RNF185: variants seen among roughly 807,000 people sequenced by gnomAD.
RNF185 encodes the protein E3 ubiquitin-protein ligase RNF185.
Under a neutral mutation model 24.9 loss-of-function variants are expected in RNF185, and 13 were observed. The observed-to-expected ratio is 0.52, with a 90% CI of 0.34 to 0.83. RNF185 has a LOEUF of 0.83. Ranked by LOEUF, RNF185 falls within the 40% of genes least tolerant of loss-of-function variation. RNF185 has a pLI of 0.01. For synonymous variants in RNF185, 79 were observed against 90.3 expected (o/e 0.88, Z 0.71); for missense variants, 184 against 244.7 (o/e 0.75, Z 1.65).
chr22:31,165,097 T>C (rs1923835969), intron 1 of RNF185, among the ~76,000 whole-genome samples: 1 of 151,348 alleles, frequency 6.6e-6, no homozygotes, highest in Non-Finnish European at 1.5e-5. Flanking sequence ...TTTTTTTTTT[T>C]AGTAGAGACA....
chr22:31,197,147 C>G, intron 5 of RNF185, 157 bp downstream of exon 5: 1 of 1,062,682 alleles, frequency 9.4e-7, no homozygotes, highest in Non-Finnish European at 1.3e-6. Flanking sequence ...TATAACCACA[C>G]CAATCCAGAG....
At chr22:31,187,332 G>T in intron 2 of RNF185, 62 bp downstream of exon 2, 1 of 1,588,772 alleles carries the variant, frequency 6.3e-7, no homozygotes, top group Non-Finnish European at 8.6e-7. Context: ...CTGTGGCCCT[G>T]GGTGGTTTGG....
At chr22:31,166,451 T>C (rs1923924950) in intron 1 of RNF185, among the ~76,000 whole-genome samples, 1 of 152,212 alleles carries the variant, frequency 6.6e-6, no homozygotes, top group Non-Finnish European at 1.5e-5. Flanking sequence ...AATCACTCAC[T>C]GTACACAGGT....
At chr22:31,177,835 AGAT>A (rs1207964082) in intron 1 of RNF185, among the ~76,000 whole-genome samples, 1 of 152,248 alleles carries the variant, frequency 6.6e-6, no homozygotes, top group Non-Finnish European at 1.5e-5. Flanking sequence ...CAGAAAAGGC[AGAT>A]GATGAATTCC....
chr22:31,183,460 A>G (rs2048059671), intron 1 of RNF185, among the ~76,000 whole-genome samples: 1 of 151,822 alleles, frequency 6.6e-6, no homozygotes, highest in Non-Finnish European at 1.5e-5. Flanking sequence ...TCATAGGACA[A>G]TAGTGGAGGG....
chr22:31,168,040 T>C (rs575111140), intron 1 of RNF185, among the ~76,000 whole-genome samples: 2 of 152,346 alleles, frequency 1.3e-5, no homozygotes, highest in Admixed American at 6.5e-5. Flanking sequence ...CCTCCAGAAC[T>C]GTTTTCATCT....
chr22:31,174,421 C>T (rs1457496708), intron 1 of RNF185, among the ~76,000 whole-genome samples: 3 of 151,996 alleles, frequency 2.0e-5, no homozygotes, highest in Non-Finnish European at 4.4e-5. Flanking sequence ...CTTCTGTCTC[C>T]TAGGTTGGAG....
intron 2 of RNF185, among the ~76,000 whole-genome samples, chr22:31,189,354 A>G (rs2048133433): frequency 9.0e-6 from 1 of 111,380 alleles, no homozygotes; most frequent in Non-Finnish European, 1.6e-5. Flanking sequence ...ACAGTGGTGC[A>G]GTCTTGGCTC....
At chr22:31,185,457 G>C (rs1188872922) in intron 1 of RNF185, among the ~76,000 whole-genome samples, 1 of 152,176 alleles carries the variant, frequency 6.6e-6, no homozygotes, top group Non-Finnish European at 1.5e-5. Flanking sequence ...TTGTGAAGGG[G>C]CCGCTTGTTT....
rs1194566010 is a variant in RNF185, at chr22:31,170,186, T to TG, written c.-49+9883_-49+9884insG. Among the ~76,000 whole-genome samples the TG allele has an allele frequency of 2.7e-3, 408 of 152,030 alleles. 1 individual carries two copies. Among genetic ancestry groups the TG allele is most frequent in the Non-Finnish European group, 4.5e-3 (307 of 67,954 alleles). On this transcript the variant is annotated intron_variant, in intron 1 of 6. Transcript: ENST00000326132. ...GTAACAGTGATGTGGTTTTTTGTTT[T>TG]TTTTTTTTGTTTGTTTGTTTGAGAC...
chr22:31,200,099 C>G (rs1012761672), intron 5 of RNF185, among the ~76,000 whole-genome samples: 4 of 152,146 alleles, frequency 2.6e-5, no homozygotes, highest in Non-Finnish European at 5.9e-5. Flanking sequence ...GCTCTGGCCT[C>G]TAATCCCAGC....
intron 3 of RNF185, among the ~76,000 whole-genome samples, chr22:31,193,302 G>T (rs1259776693): frequency 6.6e-6 from 1 of 152,200 alleles, no homozygotes; most frequent in Non-Finnish European, 1.5e-5. Context: ...AATCTGGATG[G>T]GAGAAAGAAG....
Position 31,206,461 on chromosome 22 carries a change from C to T in RNF185, c.*1875C>T, listed in dbSNP as rs951862140. The T allele has an allele frequency of 1.3e-5, 2 of 152,180 alleles. No individual in the cohort carries two copies. The highest frequency in any genetic ancestry group is 1.9e-4 in the East Asian group (1 of 5,192). 9.4% of individuals were successfully genotyped at this position (152,180 alleles called of 1,614,324 possible). A position where few individuals can be genotyped will look rare whatever the true frequency, so the allele number is the denominator to read the frequency against. On this transcript the variant is annotated 3_prime_UTR_variant, in exon 7 of 7. Transcript: ENST00000326132. ...CTCTAGAGAGAATTGGTGGGACCCC[C>T]CTCAGTGCAGTGGCCCCAACTAGTG...
At chr22:31,160,582 G>A (rs1438589019) in intron 1 of RNF185, among the ~76,000 whole-genome samples, 2 of 152,146 alleles carry the variant, frequency 1.3e-5, no homozygotes, top group East Asian at 1.9e-4. Flanking sequence ...TCTATCCCCC[G>A]TGCGAGACCG....
intron 2 of RNF185, among the ~76,000 whole-genome samples, chr22:31,191,010 A>C (rs533813730): frequency 6.6e-6 from 1 of 152,240 alleles, no homozygotes; most frequent in East Asian, 1.9e-4. Flanking sequence ...AGGCTATACT[A>C]TGTAGCCTAG....
chr22:31,162,015 G>C (rs1181119056), intron 1 of RNF185, among the ~76,000 whole-genome samples: 1 of 151,928 alleles, frequency 6.6e-6, no homozygotes, highest in African/African-American at 2.4e-5. Flanking sequence ...AAGCCACTGT[G>C]CCTGGCCTCT....
intron 1 of RNF185, among the ~76,000 whole-genome samples, chr22:31,176,491 CT>C (rs1231883999): frequency 0.15 from 19,892 of 132,556 alleles, 1,458 homozygotes; most frequent in African/African-American, 0.21. Flanking sequence ...TTTTCTTTTT[CT>C]TTTTTTTTTT....
intron 2 of RNF185, among the ~76,000 whole-genome samples, chr22:31,189,577 G>A (rs1043861084): frequency 2.6e-5 from 4 of 151,126 alleles, no homozygotes; most frequent in Non-Finnish European, 4.4e-5. Context: ...GATTACAGGC[G>A]TGAGCCACCA....
chr22:31,183,991 C>T (rs1438866050), intron 1 of RNF185, among the ~76,000 whole-genome samples: 10 of 136,084 alleles, frequency 7.3e-5, no homozygotes, highest in Middle Eastern at 5.7e-3. Context: ...AGCTCCCGGA[C>T]GGGGCAGCTG....
Sources: gnomAD v4.1 joint callset for allele counts (sites outside exome capture counted in the v4.1 genomes callset) on GRCh38, gnomAD v4.1.1 for gene constraint, MANE v1.5 for transcripts, NCBI Gene and HGNC (gene_info 2026-07-23, HGNC 2026-07-21) for gene names.